The following LINGO2 variants were observed in gnomAD, a reference collection of about 807,000 sequenced individuals.
LINGO2 encodes leucine-rich repeat and immunoglobulin-like domain-containing nogo receptor-interacting protein 2.
Under a neutral mutation model 30.6 loss-of-function variants are expected in LINGO2, and 14 were observed. The observed-to-expected ratio is 0.46, with a 90% CI of 0.30 to 0.72. LINGO2 has a LOEUF of 0.72. Among genes scored for constraint, LINGO2 ranks in the 30% least tolerant of loss-of-function variants. LINGO2 has a pLI of 0.07. For synonymous variants in LINGO2, 317 were observed against 288.5 expected, an observed-to-expected ratio of 1.10 and a Z score of -1.00; for missense variants, 729 against 751.7, an observed-to-expected ratio of 0.97 and a Z score of 0.35.
intron 4 of LINGO2, among the ~76,000 whole-genome samples, chr9:28,031,986 CAG>C (rs1489621826): frequency 2.1e-5 from 3 of 145,388 alleles, no homozygotes; most frequent in African/African-American, 7.7e-5. Context: ...GATTAGGGCT[CAG>C]AGAACAGCTG....
the LINGO2 span, among the ~76,000 whole-genome samples, chr9:28,789,162 C>A: frequency 6.6e-6 from 1 of 151,976 alleles, no homozygotes. Flanking sequence ...TAATGTTTTA[C>A]TTGTTGTTTA....
intron 4 of LINGO2, among the ~76,000 whole-genome samples, chr9:28,175,416 C>T (rs1828723773): frequency 6.6e-6 from 1 of 152,136 alleles, no homozygotes; most frequent in Non-Finnish European, 1.5e-5. Flanking sequence ...AACTTCCTCT[C>T]ATTGGCAGAC....
At chr9:28,408,637 G>C (rs1822611934) in intron 2 of LINGO2, among the ~76,000 whole-genome samples, 1 of 141,730 alleles carries the variant, frequency 7.1e-6, no homozygotes, top group Non-Finnish European at 1.5e-5. Flanking sequence ...GGGGGAGGGG[G>C]AGGGATGGCA....
intron 4 of LINGO2, among the ~76,000 whole-genome samples, chr9:28,233,053 T>C (rs1587284221): frequency 1.7e-5 from 2 of 121,010 alleles, no homozygotes; most frequent in Admixed American, 8.6e-5. Context: ...TATATATATA[T>C]ATATATATTA....
At chr9:28,713,621 T>A in the LINGO2 span, among the ~76,000 whole-genome samples, 3 of 152,168 alleles carry the variant, frequency 2.0e-5, no homozygotes, top group Admixed American at 6.5e-5. Context: ...ACATGTGTAT[T>A]TTCCATTAGA....
chr9:28,041,253 A>C (rs1338419795), intron 4 of LINGO2, among the ~76,000 whole-genome samples: 2 of 152,156 alleles, frequency 1.3e-5, no homozygotes, highest in East Asian at 3.9e-4. Context: ...GGTTCATACA[A>C]TGTGGCAAGA....
chr9:28,281,303 C>G (rs942291125), intron 4 of LINGO2, among the ~76,000 whole-genome samples: 8 of 151,954 alleles, frequency 5.3e-5, no homozygotes, highest in Non-Finnish European at 7.4e-5. Context: ...ATGTAGTATT[C>G]AAATTTGAAT....
chr9:28,883,615 AAT>A, the LINGO2 span, among the ~76,000 whole-genome samples: 8 of 48,692 alleles, frequency 1.6e-4, 1 homozygote, highest in Admixed American at 1.2e-3. Flanking sequence ...ATATATATAA[AAT>A]ATGTGTGTGT....
chr9:28,403,403 T>G (rs903623512), intron 2 of LINGO2, among the ~76,000 whole-genome samples: 2 of 152,216 alleles, frequency 1.3e-5, no homozygotes, highest in South Asian at 4.1e-4. Flanking sequence ...TGGCTATTTC[T>G]CATGGCTACA....
chr9:28,002,790 G>A (rs570233151), intron 5 of LINGO2, among the ~76,000 whole-genome samples: 15 of 103,114 alleles, frequency 1.5e-4, no homozygotes, highest in East Asian at 2.6e-4. Flanking sequence ...CATTCTCCCC[G>A]TCAGTGGGTT....
the LINGO2 span, among the ~76,000 whole-genome samples, chr9:28,849,764 C>T: frequency 1.3e-5 from 2 of 151,982 alleles, no homozygotes; most frequent in African/African-American, 4.8e-5. Flanking sequence ...TCTTCCTACC[C>T]CTCAGCTCTC....
At chr9:28,479,909 A>G (rs1464080973) in intron 1 of LINGO2, among the ~76,000 whole-genome samples, 1 of 55,920 alleles carries the variant, frequency 1.8e-5, no homozygotes, top group African/African-American at 6.4e-5. Flanking sequence ...ATATATACGT[A>G]GGTATATATA....
intron 4 of LINGO2, among the ~76,000 whole-genome samples, chr9:28,153,183 AAAAT>A (rs1232974262): frequency 2.0e-4 from 30 of 152,194 alleles, no homozygotes; most frequent in African/African-American, 6.0e-4. Flanking sequence ...CATATCTAGT[AAAAT>A]AAATATCAAT....
intron 4 of LINGO2, among the ~76,000 whole-genome samples, chr9:28,177,823 A>G (rs1008709888): frequency 1.3e-5 from 2 of 152,222 alleles, no homozygotes; most frequent in Non-Finnish European, 2.9e-5. Context: ...TAGATGAGGA[A>G]ACTGACCCAA....
chr9:28,431,540 C>T (rs1292289589), intron 2 of LINGO2, among the ~76,000 whole-genome samples: 1 of 152,184 alleles, frequency 6.6e-6, no homozygotes, highest in Non-Finnish European at 1.5e-5. Context: ...TGTAGAATTT[C>T]TAGCACCATG....
the LINGO2 span, among the ~76,000 whole-genome samples, chr9:28,958,176 C>T: frequency 6.6e-6 from 1 of 152,088 alleles, no homozygotes; most frequent in Non-Finnish European, 1.5e-5. Flanking sequence ...TCTGAATATT[C>T]TGCATTGTTA....
At chr9:28,995,481 A>T in the LINGO2 span, among the ~76,000 whole-genome samples, 1 of 152,192 alleles carries the variant, frequency 6.6e-6, no homozygotes, top group African/African-American at 2.4e-5. Context: ...AGGGATCTAG[A>T]ACTAGAAATA....
chr9:28,761,220 A>C, the LINGO2 span, among the ~76,000 whole-genome samples: 4 of 152,040 alleles, frequency 2.6e-5, no homozygotes, highest in Admixed American at 2.6e-4. Flanking sequence ...ACTTGCTTTT[A>C]ACAAAGAAAA....
chr9:28,893,202 A>C, the LINGO2 span, among the ~76,000 whole-genome samples: 1 of 152,036 alleles, frequency 6.6e-6, no homozygotes, highest in Non-Finnish European at 1.5e-5. Flanking sequence ...ATCTAGTATA[A>C]TGATGTTTTG....
Sources: allele counts gnomAD v4.1 joint callset (sites outside exome capture counted in the v4.1 genomes callset), GRCh38; gene constraint gnomAD v4.1.1; transcripts MANE v1.5; gene names NCBI Gene and HGNC (gene_info 2026-07-23, HGNC 2026-07-21).